The following RPS6KA5 variants were observed in gnomAD, a reference collection of about 807,000 sequenced individuals.
RPS6KA5 encodes ribosomal protein S6 kinase alpha-5.
A neutral mutation model predicts 85.5 loss-of-function variants in RPS6KA5; 27 were observed. The observed-to-expected ratio is 0.32, with a 90% CI of 0.23 to 0.44. The LOEUF is 0.44. Among genes scored for constraint, RPS6KA5 ranks in the 20% least tolerant of loss-of-function variants. RPS6KA5 has a pLI of 1.00. For missense variants in RPS6KA5, 811 were observed against 980.9 expected (o/e 0.83, Z 2.31); for synonymous variants, 334 against 348.2 (o/e 0.96, Z 0.46).
chr14:90,848,459 G>C lies in RPS6KA5; in HGVS notation c.*23615C>G. ...GTATATAAATATGAAATTCAGAAAA[G>C]CAGATAAAGAAAAGCTGTCACTTAA... On this transcript the variant is annotated 3_prime_UTR_variant, in exon 17 of 17. Transcript: ENST00000614987. 1 of 152,080 alleles carries C rather than the reference G, an allele frequency of 6.6e-6. No individual in the cohort carries two copies. Among genetic ancestry groups the C allele is most frequent in the Non-Finnish European group, 1.5e-5 (1 of 68,010 alleles). The allele number at this position is 152,080 out of a possible 1,614,324, so 9.4% of individuals were successfully genotyped here.
At chr14:91,049,532 G>A (rs971968370) in intron 1 of RPS6KA5, among the ~76,000 whole-genome samples, 5 of 152,000 alleles carry the variant, frequency 3.3e-5, no homozygotes, top group African/African-American at 1.2e-4. Context: ...GGAGAATGGC[G>A]TGAACCAAGG....
intron 1 of RPS6KA5, among the ~76,000 whole-genome samples, chr14:91,019,267 T>C (rs1013482833): frequency 3.3e-5 from 5 of 152,152 alleles, no homozygotes; most frequent in African/African-American, 7.2e-5. Flanking sequence ...TGTGGGGAGA[T>C]TGTTGGATGA....
rs2140090282 is a variant in RPS6KA5 at position 90,849,225 on chromosome 14, C to CTTG, written c.*22848_*22849insCAA. The CTTG allele has an allele frequency of 2.0e-5, 3 of 152,328 alleles. No homozygotes were observed. In the South Asian group the frequency reaches 6.2e-4, roughly 32 times the overall value. The allele number at this position is 152,328 out of a possible 1,614,324, so 9.4% of individuals were successfully genotyped here. On this transcript the variant is annotated 3_prime_UTR_variant, in exon 17 of 17. Coordinates refer to ENST00000614987, the MANE Select transcript of RPS6KA5 (RefSeq NM_004755.4). ...GAATTAGCTACTGCTTATCAGGCAA[C>CTTG]TAACAGAGCCGGCAACAGAAAGGTT... is the stretch of plus-strand genomic sequence containing the variant.
chr14:90,882,751 T>C (rs1461814362), intron 14 of RPS6KA5, among the ~76,000 whole-genome samples: 1 of 152,178 alleles, frequency 6.6e-6, no homozygotes, highest in East Asian at 1.9e-4. Context: ...AATCTGCTGA[T>C]GATCTAACTG....
chr14:90,930,383 A>G (rs1237926040), intron 5 of RPS6KA5, among the ~76,000 whole-genome samples: 2 of 152,192 alleles, frequency 1.3e-5, no homozygotes, highest in Non-Finnish European at 2.9e-5. Context: ...AAAATATAAA[A>G]TATTTCCACC....
At chr14:90,906,620 T>C (rs1429958538) in intron 7 of RPS6KA5, among the ~76,000 whole-genome samples, 1 of 152,162 alleles carries the variant, frequency 6.6e-6, no homozygotes, top group East Asian at 1.9e-4. Context: ...ACCTCTCGTA[T>C]ATAGACTAGA....
intron 1 of RPS6KA5, among the ~76,000 whole-genome samples, chr14:91,044,280 A>AGAGG (rs1164128309): frequency 8.9e-5 from 1 of 11,222 alleles, no homozygotes; most frequent in East Asian, 7.8e-3. Flanking sequence ...AGAGAAAGAA[A>AGAGG]GAGAGAGAGA....
rs370974013 is a variant in RPS6KA5 at position 90,853,669 on chromosome 14, C to CAAAAAAAAAAAA, written c.*18393_*18404dup. 2.3e-5 allele frequency: 3 copies of CAAAAAAAAAAAA among 128,406 alleles called. No individual in the cohort carries two copies. The highest frequency in any genetic ancestry group is 4.9e-5 in the Non-Finnish European group (3 of 61,640). 8.0% of individuals were successfully genotyped at this position (128,406 alleles called of 1,614,324 possible). A position where few individuals can be genotyped will look rare whatever the true frequency, so the allele number is the denominator to read the frequency against. On this transcript the variant is annotated 3_prime_UTR_variant, in exon 17 of 17. Transcript: ENST00000614987. ...TGAAACCCCATCTCTACTAAAAATA[C>CAAAAAAAAAAAA]AAAAAAAAAAAAAAAAACCCTAAAA...
chr14:90,888,850 G>A (rs925103892), intron 14 of RPS6KA5, among the ~76,000 whole-genome samples: 4 of 151,994 alleles, frequency 2.6e-5, no homozygotes, highest in African/African-American at 9.7e-5. Context: ...TCAAAATACC[G>A]TATTACCATA....
At chr14:90,874,950 T>G (rs1369566206) in intron 15 of RPS6KA5, among the ~76,000 whole-genome samples, 1 of 152,020 alleles carries the variant, frequency 6.6e-6, no homozygotes, top group Non-Finnish European at 1.5e-5. Context: ...TCAAAAAGTA[T>G]TGGTTTGTTT....
chr14:90,995,887 C>A (rs2040495743), intron 2 of RPS6KA5, among the ~76,000 whole-genome samples: 2 of 152,140 alleles, frequency 1.3e-5, no homozygotes, highest in Admixed American at 1.3e-4. Flanking sequence ...TGAAGCCAGC[C>A]TGGGCAACAT....
At chr14:90,919,424 T>A (rs769544912) in intron 7 of RPS6KA5, among the ~76,000 whole-genome samples, 26 of 152,242 alleles carry the variant, frequency 1.7e-4, no homozygotes, top group Non-Finnish European at 3.5e-4. Context: ...TATTCCATCT[T>A]CTTTGGAAGT....
intron 8 of RPS6KA5, among the ~76,000 whole-genome samples, chr14:90,905,926 T>G (rs193036283): frequency 3.6e-4 from 55 of 152,148 alleles, no homozygotes; most frequent in African/African-American, 1.2e-3. Context: ...TCCCACTCCA[T>G]TGAGGGAGAA....
At chr14:90,984,426 T>C (rs985284100) in intron 2 of RPS6KA5, among the ~76,000 whole-genome samples, 1 of 152,212 alleles carries the variant, frequency 6.6e-6, no homozygotes, top group Non-Finnish European at 1.5e-5. Context: ...GGATCAACTA[T>C]GTAAATTTTT....
chr14:90,906,057 A>G (rs1173193050), intron 8 of RPS6KA5, 92 bp downstream of exon 8: 6 of 1,238,132 alleles, frequency 4.8e-6, no homozygotes, highest in Non-Finnish European at 6.7e-6. Context: ...AATGATCCCA[A>G]AGGGGACTGT....
At chr14:90,926,838 T>G (rs1041962523) in intron 5 of RPS6KA5, among the ~76,000 whole-genome samples, 6 of 152,064 alleles carry the variant, frequency 3.9e-5, no homozygotes, top group Non-Finnish European at 8.8e-5. Flanking sequence ...ATCTAACGTA[T>G]GTATTTCATA....
chr14:91,044,242 A>T (rs2042715246), intron 1 of RPS6KA5, among the ~76,000 whole-genome samples: 1 of 142,664 alleles, frequency 7.0e-6, no homozygotes, highest in South Asian at 2.3e-4. Context: ...GAGATGGGGG[A>T]GAGAGGGGGA....
At chr14:91,058,097 T>C (rs1255318257) in intron 1 of RPS6KA5, among the ~76,000 whole-genome samples, 1 of 152,232 alleles carries the variant, frequency 6.6e-6, no homozygotes, top group Non-Finnish European at 1.5e-5. Context: ...ATTACTCTGG[T>C]GCCTATTATA....
At chr14:90,884,713 C>G (rs934537241) in intron 14 of RPS6KA5, among the ~76,000 whole-genome samples, 12 of 152,142 alleles carry the variant, frequency 7.9e-5, no homozygotes, top group Admixed American at 6.5e-4. Context: ...TTTAAAATAT[C>G]CTTCTATTGT....
Sources: gnomAD v4.1 joint callset for allele counts (sites outside exome capture counted in the v4.1 genomes callset) on GRCh38, gnomAD v4.1.1 for gene constraint, MANE v1.5 for transcripts, NCBI Gene and HGNC (gene_info 2026-07-23, HGNC 2026-07-21) for gene names.